Variants in PLA2G4C observed in about 807,000 individuals in gnomAD.
PLA2G4C encodes phospholipase A2 group IVC, also known as cytosolic phospholipase A2 gamma.
Under a neutral mutation model 73.8 loss-of-function variants are expected in PLA2G4C, and 64 were observed. That is an observed-to-expected ratio of 0.87 (90% confidence interval 0.71 to 1.07). PLA2G4C has a LOEUF of 1.07. PLA2G4C is among the 50% of genes least tolerant of loss of function. PLA2G4C has a pLI of 0.00. For synonymous variants in PLA2G4C, 254 were observed against 252.1 expected (o/e 1.01, Z -0.07); for missense variants, 622 against 665.4 (o/e 0.93, Z 0.72).
chr19:48,056,923 C>G (rs1006099239), intron 14 of PLA2G4C, among the ~76,000 whole-genome samples: 1 of 151,406 alleles, frequency 6.6e-6, no homozygotes, highest in African/African-American at 2.4e-5. Context: ...TAAGTGGGAG[C>G]TGAATGATGA....
At chr19:48,058,340 G>A (rs1276047145) in intron 14 of PLA2G4C, among the ~76,000 whole-genome samples, 1 of 151,784 alleles carries the variant, frequency 6.6e-6, no homozygotes, top group African/African-American at 2.4e-5. Context: ...GTCTTGCTAT[G>A]TTGCCCAGGC....
intron 12 of PLA2G4C, among the ~76,000 whole-genome samples, chr19:48,071,827 T>C (rs1181839099): frequency 6.6e-6 from 1 of 152,102 alleles, no homozygotes; most frequent in Non-Finnish European, 1.5e-5. Flanking sequence ...TAGTCTTGAA[T>C]ACCTGGGCTC....
chr19:48,091,683 G>GT (rs1182858118), intron 7 of PLA2G4C, among the ~76,000 whole-genome samples: 5 of 151,976 alleles, frequency 3.3e-5, no homozygotes, highest in Non-Finnish European at 7.4e-5. Context: ...GAAGTCAGGA[G>GT]TTTAAAGTCA....
intron 1 of PLA2G4C, among the ~76,000 whole-genome samples, chr19:48,110,148 C>G (rs2032417170): frequency 6.6e-6 from 1 of 150,720 alleles, no homozygotes. Flanking sequence ...GAGTTTGAGA[C>G]CAGCCTGGCC....
intron 15 of PLA2G4C, among the ~76,000 whole-genome samples, chr19:48,054,511 T>A (rs574990508): frequency 6.6e-6 from 1 of 151,822 alleles, no homozygotes; most frequent in African/African-American, 2.4e-5. Context: ...GAGATGGGGT[T>A]TCACTGTGTT....
chr19:48,107,133 C>T (rs892408736), intron 1 of PLA2G4C, among the ~76,000 whole-genome samples: 4 of 152,098 alleles, frequency 2.6e-5, no homozygotes, highest in Non-Finnish European at 1.5e-5. Context: ...GCACGAGCCA[C>T]CGCGTCCGAC....
chr19:48,058,816 C>CA lies in PLA2G4C; in HGVS notation c.1257+3181dup, dbSNP rs148968011. Among the ~76,000 whole-genome samples the CA allele has an allele frequency of 1.8e-3, 204 of 112,038 alleles. 1 individual carries two copies. The highest frequency in any genetic ancestry group is 3.6e-3 in the East Asian group (14 of 3,846). 73.5% of individuals were successfully genotyped at this position (112,038 alleles called of 152,430 possible). ...CTGGGCGACACAGAAGACTCCATCT[C>CA]AAAAAAAAAAAAAAGATTTGACATT... is the stretch of plus-strand genomic sequence containing the variant. On this transcript the variant is annotated intron_variant, in intron 14 of 16. Transcript: ENST00000599921.
intron 12 of PLA2G4C, among the ~76,000 whole-genome samples, chr19:48,069,557 T>A (rs1299955870): frequency 1.3e-5 from 2 of 151,634 alleles, no homozygotes; most frequent in Non-Finnish European, 2.9e-5. Flanking sequence ...TGCCAGTACC[T>A]TATGCAGCAT....
rs750657527 is a variant in PLA2G4C at position 48,105,390 on chromosome 19, C to T, written c.63G>A (p.Glu21=). Residue 21 remains glutamate, a synonymous_variant, in exon 3 of 17, where the codon GAG becomes GAA. Transcript: ENST00000599921. ...GLQKEEKAAV[E]RRRLHVLKAL... is the part of the protein sequence containing the mutation. Reference sequence around the variant, plus strand: ...CTTTCAGCACATGAAGTCTTCGTCTCTCCACGGCCGCCTTTTCTTCTTTCT... The same window carrying T: ...CTTTCAGCACATGAAGTCTTCGTCTTTCCACGGCCGCCTTTTCTTCTTTCT... 1.8e-5 allele frequency: 29 copies of T among 1,614,102 alleles called. No homozygotes were observed. The East Asian group carries it at 3.3e-4, about 19-fold the overall frequency.
intron 13 of PLA2G4C, among the ~76,000 whole-genome samples, chr19:48,063,345 T>C (rs1385885859): frequency 6.6e-6 from 1 of 152,000 alleles, no homozygotes; most frequent in African/African-American, 2.4e-5. Context: ...CGGCCAACAT[T>C]CTTTAGAGTT....
intron 4 of PLA2G4C, among the ~76,000 whole-genome samples, chr19:48,101,127 T>TATATATATATA (rs1491266778): frequency 2.5e-4 from 11 of 43,352 alleles, no homozygotes; most frequent in African/African-American, 1.6e-3. Context: ...TATATATATA[T>TATATATATATA]TTTTTTTTTT....
chr19:48,090,287 T>A, intron 8 of PLA2G4C, 77 bp downstream of exon 8: 2 of 1,020,910 alleles, frequency 2.0e-6, no homozygotes, highest in East Asian at 4.8e-5. Context: ...TCTTCTGCCA[T>A]GAGTAGGAAA....
intron 8 of PLA2G4C, among the ~76,000 whole-genome samples, chr19:48,089,416 CA>C (rs1209232300): frequency 6.6e-6 from 1 of 151,812 alleles, no homozygotes; most frequent in Admixed American, 6.6e-5. Flanking sequence ...AACTCTGTCT[CA>C]AAAAAACAAA....
intron 6 of PLA2G4C, 53 bp downstream of exon 6, chr19:48,098,086 T>C (rs2031693513): frequency 6.3e-7 from 1 of 1,585,972 alleles, no homozygotes; most frequent in Non-Finnish European, 8.6e-7. Context: ...TCCATTCCAC[T>C]CCGTGCTGTT....
intron 14 of PLA2G4C, among the ~76,000 whole-genome samples, chr19:48,056,044 G>T (rs1967929254): frequency 6.6e-6 from 1 of 152,140 alleles, no homozygotes; most frequent in South Asian, 2.1e-4. Context: ...TTAATGAGAA[G>T]TAGTTTCTCA....
intron 11 of PLA2G4C, among the ~76,000 whole-genome samples, chr19:48,076,265 A>G (rs1404808568): frequency 2.0e-5 from 3 of 152,322 alleles, no homozygotes; most frequent in East Asian, 1.9e-4. Context: ...AAGGAAGACC[A>G]TCTTTGTCAG....
chr19:48,080,275 A>G (rs573758989), intron 10 of PLA2G4C, among the ~76,000 whole-genome samples: 1 of 152,194 alleles, frequency 6.6e-6, no homozygotes, highest in Non-Finnish European at 1.5e-5. Context: ...AGCCACAATG[A>G]GATACCATCT....
chr19:48,095,188 T>C (rs2031503267), intron 7 of PLA2G4C, among the ~76,000 whole-genome samples: 2 of 152,140 alleles, frequency 1.3e-5, no homozygotes, highest in African/African-American at 4.8e-5. Context: ...AATCTGCTTA[T>C]TGGAAGCCAC....
At chr19:48,050,623 G>A (rs1337912257) in intron 16 of PLA2G4C, among the ~76,000 whole-genome samples, 2 of 148,256 alleles carry the variant, frequency 1.3e-5, no homozygotes, top group Non-Finnish European at 3.0e-5. Context: ...GTTGAATAAT[G>A]TCTCCTAATG....
Sources: allele counts gnomAD v4.1 joint callset (sites outside exome capture counted in the v4.1 genomes callset), GRCh38; gene constraint gnomAD v4.1.1; transcripts MANE v1.5; gene names NCBI Gene and HGNC (gene_info 2026-07-23, HGNC 2026-07-21).